Variants in FCHSD1 observed in about 807,000 individuals in gnomAD.
FCHSD1 encodes F-BAR and double SH3 domains protein 1.
A neutral mutation model predicts 101.3 loss-of-function variants in FCHSD1; 109 were observed. The observed-to-expected ratio is 1.08, with a 90% CI of 0.92 to 1.26. The LOEUF is 1.26. FCHSD1 is among the 50% of genes most tolerant of loss of function. The pLI is 0.00. For missense variants in FCHSD1, 820 were observed against 895.8 expected (o/e 0.92, Z 1.08); for synonymous variants, 291 against 356.8 (o/e 0.82, Z 2.08).
rs758669271 is a variant in FCHSD1, at chr5:141,649,261, G to A, written c.423C>T (p.Val141=). 6.2e-7 allele frequency: 1 copy of A among 1,613,968 alleles called. No individual in the cohort carries two copies. The highest frequency in any genetic ancestry group is 8.5e-7 in the Non-Finnish European group (1 of 1,179,884). Residue 141 remains valine, a synonymous_variant, in exon 6 of 20, where the codon GTC becomes GTT. Transcript: ENST00000435817. The surrounding 1 kb of genome is among the most constrained non-coding windows in gnomAD (Gnocchi z 4.1). ...GCTTCCGACTTCGGCTCAGCTCCCG[G>A]ACAGACTGCAGCACCTCAGCCTGCG... ...QRAQAEVLQS[V]RELSRSRKLY...
In FCHSD1 at chr5:141,643,001, C is replaced by T; in HGVS notation, c.1951G>A (p.Asp651Asn). The T allele has an allele frequency of 6.4e-7, 1 of 1,562,280 alleles. No homozygotes were observed. Among genetic ancestry groups the T allele is most frequent in the Non-Finnish European group, 8.7e-7 (1 of 1,153,840 alleles). ...AAGGCTCCCAGTTCCTTCCACTCAC[C>T]CCCAGGCAGGACAGGTGCAGGGGGC... ...DGPPAPVLPG[D>N]KALDFPGFLD... is the part of the protein sequence containing the mutation. The change falls in exon 18 of 20, where the codon GAC becomes AAC. Residue 651 changes from aspartate (D) to asparagine (N), a missense_variant and splice_region_variant. Coordinates refer to ENST00000435817, the MANE Select transcript of FCHSD1 (RefSeq NM_033449.3).
In FCHSD1 at chr5:141,639,878, C is replaced by CT. The variant is rs2099906633; in HGVS notation, c.*1619dup. The CT allele has an allele frequency of 2.5e-6, 4 of 1,606,476 alleles. No individual in the cohort carries two copies. In the East Asian group the frequency reaches 8.9e-5, roughly 36 times the overall value. Reference sequence around the variant, plus strand: ...GTCAGAGGGGAGGGCCAAGCAGCCTCTGAGTTGTGGTCCTAAACCCCAGTG... The same window carrying CT: ...GTCAGAGGGGAGGGCCAAGCAGCCTCTTGAGTTGTGGTCCTAAACCCCAGTG... On this transcript the variant is annotated 3_prime_UTR_variant, in exon 20 of 20. Transcript: ENST00000435817. The surrounding 1 kb of genome is among the most constrained non-coding windows in gnomAD (Gnocchi z 4.4).
intron 2 of FCHSD1, 21 bp from the exon 3 acceptor site, chr5:141,650,425 G>T (rs2099908229): frequency 6.2e-7 from 1 of 1,613,732 alleles, no homozygotes; most frequent in Non-Finnish European, 8.5e-7. Flanking sequence ...TGCAGGTCGG[G>T]GGTGAGGTGG....
chr5:141,641,473 C>T lies in FCHSD1; in HGVS notation c.*25G>A. 1 of 1,466,648 alleles carries T rather than the reference C, an allele frequency of 6.8e-7. No homozygotes were observed. The highest frequency in any genetic ancestry group is 1.5e-5 in the South Asian group (1 of 67,148). The allele number at this position is 1,466,648 out of a possible 1,614,324, so 90.9% of individuals were successfully genotyped here. Reference sequence around the variant, plus strand: ...CTTGAAGATAGGGACAGCAGCATCACTGGGGGTCAAGGCTTCCCTGGCCTT... The same window carrying T: ...CTTGAAGATAGGGACAGCAGCATCATTGGGGGTCAAGGCTTCCCTGGCCTT... On this transcript the variant is annotated 3_prime_UTR_variant, in exon 20 of 20. Coordinates refer to ENST00000435817, the MANE Select transcript of FCHSD1 (RefSeq NM_033449.3).
intron 8 of FCHSD1, chr5:141,647,745 G>A (rs1272733817): frequency 1.1e-6 from 1 of 946,466 alleles, no homozygotes; most frequent in African/African-American, 1.7e-5. Context: ...GGCAGAGAAA[G>A]GGTTATCCCT....
chr5:141,639,793 G>C lies in FCHSD1; in HGVS notation c.*1705C>G, dbSNP rs2099906620. On this transcript the variant is annotated 3_prime_UTR_variant, in exon 20 of 20. Coordinates refer to ENST00000435817, the MANE Select transcript of FCHSD1 (RefSeq NM_033449.3). This position sits in a 1 kb window ranked among gnomAD's most constrained non-coding sequence, Gnocchi z 4.4. Reference sequence around the variant, plus strand: ...GGCTACACAATGTGCCCCACAATCTGAGAAGGCCTCCCCTACCTTAGGCCA... The same window carrying C: ...GGCTACACAATGTGCCCCACAATCTCAGAAGGCCTCCCCTACCTTAGGCCA... 2 of 1,294,026 alleles carry C rather than the reference G, an allele frequency of 1.5e-6. No homozygotes were observed. The highest frequency in any genetic ancestry group is 1.5e-5 in the African/African-American group (1 of 67,972). The allele number at this position is 1,294,026 out of a possible 1,614,324, so 80.2% of individuals were successfully genotyped here.
At position 141,644,870 on chromosome 5, in the gene FCHSD1, C is replaced by G. The variant is rs749885164; in HGVS notation, c.1513G>C (p.Glu505Gln). The G allele has an allele frequency of 6.2e-7, 1 of 1,613,694 alleles. No homozygotes were observed. The highest frequency in any genetic ancestry group is 1.1e-5 in the South Asian group (1 of 91,018). ...GGTCCCATACCCACCTTGACCCATT[C>G]GTCAGCATCTCCCTCCTCTATGACC... ...LEVIEEGDADEWVKARNQHGE... is the reference protein window; with the variant it reads ...LEVIEEGDADQWVKARNQHGE... Residue 505 changes from glutamate (E) to glutamine (Q), a missense_variant, in exon 15 of 20, where the codon GAA (glutamate) becomes CAA (glutamine). Glu to Gln is a conservative substitution (Grantham distance 29). Transcript: ENST00000435817.
intron 15 of FCHSD1, 79 bp from the exon 16 acceptor site, chr5:141,644,769 T>C (rs1021223495): frequency 1.2e-6 from 2 of 1,604,420 alleles, no homozygotes; most frequent in Admixed American, 1.7e-5. Context: ...CTCAGGCTTC[T>C]AGCTTTGCCT....
chr5:141,649,998 C>A lies in FCHSD1; in HGVS notation c.166-44G>T. 2 of 1,508,294 alleles carry A rather than the reference C, an allele frequency of 1.3e-6. No homozygotes were observed. Among genetic ancestry groups the A allele is most frequent in the Non-Finnish European group, 1.8e-6 (2 of 1,126,614 alleles). 93.4% of individuals were successfully genotyped at this position (1,508,294 alleles called of 1,614,324 possible). A position where few individuals can be genotyped will look rare whatever the true frequency, so the allele number is the denominator to read the frequency against. On this transcript the variant is annotated intron_variant, in intron 3 of 19. Transcript: ENST00000435817. The surrounding 1 kb of genome is among the most constrained non-coding windows in gnomAD (Gnocchi z 4.1). Reference sequence around the variant, plus strand: ...CAGAACCAAGTTCCCTTTCAAAGACCCACCCCAACTGGCAGAATATGACAT... The same window carrying A: ...CAGAACCAAGTTCCCTTTCAAAGACACACCCCAACTGGCAGAATATGACAT...
Position 141,640,567 on chromosome 5 carries a change from C to A in FCHSD1, c.*931G>T. The A allele has an allele frequency of 6.4e-7, 1 of 1,562,028 alleles. No individual in the cohort carries two copies. The highest frequency in any genetic ancestry group is 8.7e-7 in the Non-Finnish European group (1 of 1,151,864). ...TGCAGGCTTAGCCTTTGCTATAAAT[C>A]CCTTGGTTTGGTGGTGGAGGTAGGG... On this transcript the variant is annotated 3_prime_UTR_variant, in exon 20 of 20. Coordinates refer to ENST00000435817, the MANE Select transcript of FCHSD1 (RefSeq NM_033449.3).
chr5:141,647,534 C>T lies in FCHSD1; in HGVS notation c.706-14G>A, dbSNP rs1217685968. On this transcript the variant is annotated splice_polypyrimidine_tract_variant and intron_variant, in intron 8 of 19. Transcript: ENST00000435817. ...ACTGACCAGGGCCTAGAGAGAACCC[C>T]AAGATACTGACACCACCCTTCCCCC... The T allele has an allele frequency of 6.2e-7, 1 of 1,610,972 alleles. No homozygotes were observed. The highest frequency in any genetic ancestry group is 1.3e-5 in the African/African-American group (1 of 74,666).
Position 141,645,894 on chromosome 5 carries a change from C to T in FCHSD1, c.1188G>A (p.Leu396=), listed in dbSNP as rs912722621. ...GCTCCACATCTAAGCCAGCCCCCTG[C>T]AGCAGGGCCAGCCGGGCAGCCCCCT... is the stretch of plus-strand genomic sequence containing the variant. The part of the protein sequence containing the change: ...QVKGAARLAL[L]QGAGLDVERW... Residue 396 remains leucine, a synonymous_variant, in exon 13 of 20, where the codon CTG becomes CTA. Coordinates refer to ENST00000435817, the MANE Select transcript of FCHSD1 (RefSeq NM_033449.3). 2.5e-6 allele frequency: 4 copies of T among 1,576,614 alleles called. No individual in the cohort carries two copies. The highest frequency in any genetic ancestry group is 3.4e-6 in the Non-Finnish European group (4 of 1,160,938).
intron 18 of FCHSD1, chr5:141,642,446 A>G: frequency 2.9e-6 from 2 of 685,870 alleles, no homozygotes; most frequent in Non-Finnish European, 5.3e-6. Flanking sequence ...CTAGAAGCCC[A>G]ATCTCCACCA....
Position 141,640,787 on chromosome 5 carries a change from C to T in FCHSD1, c.*711G>A. On this transcript the variant is annotated 3_prime_UTR_variant, in exon 20 of 20. Coordinates refer to ENST00000435817, the MANE Select transcript of FCHSD1 (RefSeq NM_033449.3). ...CCAGCTGAGGGACCAGCTCTACTTC[C>T]ACCTGGAGTTGCACAGTCTCAGGCT... 1 of 986,398 alleles carries T rather than the reference C, an allele frequency of 1.0e-6. No individual in the cohort carries two copies. The highest frequency in any genetic ancestry group is 1.6e-5 in the South Asian group (1 of 62,484). The allele number at this position is 986,398 out of a possible 1,614,324, so 61.1% of individuals were successfully genotyped here.
intron 2 of FCHSD1, among the ~76,000 whole-genome samples, 199 bp from the exon 3 acceptor site, chr5:141,650,603 C>G (rs371593430): frequency 2.6e-4 from 40 of 152,174 alleles, no homozygotes; most frequent in African/African-American, 9.6e-4. Flanking sequence ...AGGAAACCCT[C>G]ACCTTACTGC....
intron 18 of FCHSD1, chr5:141,642,075 G>A (rs2099906980): frequency 1.2e-5 from 6 of 518,842 alleles, no homozygotes; most frequent in Non-Finnish European, 2.1e-5. Flanking sequence ...TGAACTTGGG[G>A]TGGTGGAGAT....
chr5:141,648,030 A>G lies in FCHSD1; in HGVS notation c.643T>C (p.Leu215=). The change falls in exon 8 of 20, where the codon TTG becomes CTG. Residue 215 remains leucine, a synonymous_variant. Transcript: ENST00000435817. ...TCGAGGTGGGCATTGGTAGCCACCAAGTTAAGCAGGTACTCATTGCGGGCT... is the reference window on the plus strand; with the variant it reads ...TCGAGGTGGGCATTGGTAGCCACCAGGTTAAGCAGGTACTCATTGCGGGCT... ...QAARNEYLLN[L]VATNAHLDHY... 6.2e-7 allele frequency: 1 copy of G among 1,613,584 alleles called. No individual in the cohort carries two copies. Among genetic ancestry groups the G allele is most frequent in the African/African-American group, 1.3e-5 (1 of 75,040 alleles).
At chr5:141,650,443 G>C in intron 2 of FCHSD1, 39 bp from the exon 3 acceptor site, 1 of 1,613,488 alleles carries the variant, frequency 6.2e-7, no homozygotes, top group Non-Finnish European at 8.5e-7. Flanking sequence ...TGGGGGATAA[G>C]GTTATGTTTG....
At chr5:141,648,603 T>G (rs940778589) in intron 7 of FCHSD1, among the ~76,000 whole-genome samples, 5 of 152,204 alleles carry the variant, frequency 3.3e-5, no homozygotes, top group African/African-American at 1.2e-4. Flanking sequence ...CTTGTTTTAT[T>G]TTCATCTTAA....
Sources: gnomAD v4.1 joint callset for allele counts (sites outside exome capture counted in the v4.1 genomes callset) on GRCh38, gnomAD v4.1.1 for gene constraint, Gnocchi (gnomAD v3.1) non-coding constraint, MANE v1.5 for transcripts, NCBI Gene and HGNC (gene_info 2026-07-23, HGNC 2026-07-21) for gene names.